CLPTM1L: variants seen among roughly 807,000 people sequenced by gnomAD.
CLPTM1L encodes CLPTM1 like.
A neutral mutation model predicts 70.9 loss-of-function variants in CLPTM1L; 38 were observed. The ratio of observed to expected loss-of-function variants is 0.54; its 90% CI spans 0.41 to 0.70. The LOEUF (loss-of-function observed/expected upper bound fraction) is 0.70. Ranked by LOEUF, CLPTM1L falls within the 30% of genes least tolerant of loss-of-function variation. The pLI, the probability that CLPTM1L is intolerant of heterozygous loss-of-function variation, is 0.00. For missense variants in CLPTM1L, 652 were observed against 705.9 expected (o/e 0.92, Z 0.87); for synonymous variants, 339 against 299.9 (o/e 1.13, Z -1.35).
chr5:1,320,460 C>T, intron 16 of CLPTM1L, 156 bp downstream of exon 16: 1 of 487,400 alleles, frequency 2.1e-6, no homozygotes, highest in Non-Finnish European at 3.7e-6. Context: ...AACTGGAACC[C>T]AAGTTTAGGC....
Position 1,342,009 on chromosome 5 carries a change from CGTGTGTGTGTGTGTGTGTGTGT to C in CLPTM1L, c.264-171_264-150del. On this transcript the variant is annotated intron_variant, in intron 2 of 16. Coordinates refer to ENST00000320895, the MANE Select transcript of CLPTM1L (RefSeq NM_030782.5). The surrounding 1 kb of genome is among the most constrained non-coding windows in gnomAD (Gnocchi z 4.3). Reference sequence around the variant, plus strand: ...CCCACCTGCCCAGGGCTTTACGAGTCGTGTGTGTGTGTGTGTGTGTGTGTGTGTGTGCACGCGCACGCGTGCG... The same window carrying C: ...CCCACCTGCCCAGGGCTTTACGAGTCGTGTGTGTGCACGCGCACGCGTGCG... 1 of 502,688 alleles carries C rather than the reference CGTGTGTGTGTGTGTGTGTGTGT, an allele frequency of 2.0e-6. No homozygotes were observed. The highest frequency in any genetic ancestry group is 3.2e-5 in the East Asian group (1 of 31,178). The allele number at this position is 502,688 out of a possible 1,614,324, so 31.1% of individuals were successfully genotyped here. A position where few individuals can be genotyped will look rare whatever the true frequency, so the allele number is the denominator to read the frequency against.
Position 1,318,263 on chromosome 5 carries a change from T to G in CLPTM1L, c.*106A>C. ...GATGTCTGAGAAATGTCCGAAGGGATTTTGGCAACACAGAAAACGCAATGT... is the reference window on the plus strand; with the variant it reads ...GATGTCTGAGAAATGTCCGAAGGGAGTTTGGCAACACAGAAAACGCAATGT... On this transcript the variant is annotated 3_prime_UTR_variant, in exon 17 of 17. Coordinates refer to ENST00000320895, the MANE Select transcript of CLPTM1L (RefSeq NM_030782.5). This position sits in a 1 kb window ranked among gnomAD's most constrained non-coding sequence, Gnocchi z 8.9. 1.5e-5 allele frequency: 13 copies of G among 883,022 alleles called. No individual in the cohort carries two copies. Among genetic ancestry groups the G allele is most frequent in the Non-Finnish European group, 2.0e-5 (11 of 549,420 alleles). 54.7% of individuals were successfully genotyped at this position (883,022 alleles called of 1,614,324 possible).
chr5:1,332,041 G>T, intron 7 of CLPTM1L, 158 bp from the exon 8 acceptor site: 1 of 644,260 alleles, frequency 1.6e-6, no homozygotes, highest in Non-Finnish European at 2.8e-6. Context: ...ATGCCTCTAC[G>T]CGCCTGGCCT....
At chr5:1,328,269 T>C (rs189504825) in intron 9 of CLPTM1L, among the ~76,000 whole-genome samples, 15 of 111,966 alleles carry the variant, frequency 1.3e-4, no homozygotes, top group African/African-American at 5.3e-4. Context: ...CTCTACAGGA[T>C]ACATTCCATC....
rs771252699 is a variant in CLPTM1L at position 1,318,884 on chromosome 5, C to T, written c.1533-431G>A. 3.3e-5 allele frequency among the ~76,000 whole-genome samples: 5 copies of T among 152,190 alleles called. No individual in the cohort carries two copies. The highest frequency in any genetic ancestry group is 7.4e-5 in the Non-Finnish European group (5 of 68,022). ...CCGCCGCCTTTGATCCTGAGCGCCC[C>T]GGAGGCCTTGCCAACATCACCCCTA... On this transcript the variant is annotated intron_variant, in intron 16 of 16. Coordinates refer to ENST00000320895, the MANE Select transcript of CLPTM1L (RefSeq NM_030782.5). This position sits in a 1 kb window ranked among gnomAD's most constrained non-coding sequence, Gnocchi z 8.9.
chr5:1,324,255 A>C lies in CLPTM1L; in HGVS notation c.1198-386T>G, dbSNP rs542138969. ...TGATTTCAGCTTTACAACGCCATGC[A>C]AGTTGGATATAAGCTGGTGAAGATT... On this transcript the variant is annotated intron_variant, in intron 11 of 16. Coordinates refer to ENST00000320895, the MANE Select transcript of CLPTM1L (RefSeq NM_030782.5). Among the ~76,000 whole-genome samples the C allele has an allele frequency of 3.7e-4, 56 of 152,392 alleles. 1 individual carries two copies. Among genetic ancestry groups the C allele is most frequent in the Non-Finnish European group, 6.2e-4 (42 of 68,036 alleles).
At chr5:1,339,127 G>A (rs1753778746) in intron 3 of CLPTM1L, 122 bp from the exon 4 acceptor site, 8 of 1,173,408 alleles carry the variant, frequency 6.8e-6, no homozygotes, top group Non-Finnish European at 7.1e-6. Context: ...GCCCGGGACA[G>A]CAGGGTCAGC....
At chr5:1,339,029 C>A in intron 3 of CLPTM1L, 24 bp from the exon 4 acceptor site, 3 of 1,606,616 alleles carry the variant, frequency 1.9e-6, no homozygotes, top group South Asian at 2.2e-5. Context: ...AAAACAGAGG[C>A]CAATGCTGGG....
In CLPTM1L at chr5:1,338,792, G is replaced by C. The variant is rs919629452; in HGVS notation, c.599+68C>G. 1.0e-5 allele frequency: 16 copies of C among 1,591,862 alleles called. No homozygotes were observed. In the South Asian group the frequency reaches 1.1e-4, roughly 11 times the overall value. On this transcript the variant is annotated intron_variant, in intron 4 of 16. Coordinates refer to ENST00000320895, the MANE Select transcript of CLPTM1L (RefSeq NM_030782.5). ...CTCCACGGTGCAGGAGTGACCTGCT[G>C]GCGAGTTCTGGCCAGCCAGGGTCCC...
chr5:1,319,358 T>TA (rs138072238), intron 16 of CLPTM1L, among the ~76,000 whole-genome samples: 1 of 132,038 alleles, frequency 7.6e-6, no homozygotes, highest in Admixed American at 7.4e-5. Context: ...AGCAACAGGG[T>TA]GGGGGGGGGC....
chr5:1,332,922 T>C (rs999072224), intron 7 of CLPTM1L, among the ~76,000 whole-genome samples: 73 of 151,668 alleles, frequency 4.8e-4, no homozygotes, highest in African/African-American at 1.1e-3. Flanking sequence ...TAACACCAGA[T>C]GAGGATAAGG....
intron 7 of CLPTM1L, among the ~76,000 whole-genome samples, chr5:1,332,794 A>G (rs1753185709): frequency 6.6e-6 from 1 of 152,232 alleles, no homozygotes; most frequent in African/African-American, 2.4e-5. Flanking sequence ...TTATAAATTG[A>G]ACTTTATCAA....
chr5:1,333,585 T>C, intron 7 of CLPTM1L, among the ~76,000 whole-genome samples: 1 of 147,904 alleles, frequency 6.8e-6, no homozygotes, highest in African/African-American at 2.6e-5. Context: ...GAGACTACTG[T>C]ATACACACGG....
chr5:1,344,742 G>C lies in CLPTM1L; in HGVS notation c.100C>G (p.Arg34Gly). 1.2e-6 allele frequency: 2 copies of C among 1,601,934 alleles called. No individual in the cohort carries two copies. Among genetic ancestry groups the C allele is most frequent in the Non-Finnish European group, 1.7e-6 (2 of 1,175,368 alleles). Residue 34 changes from arginine to glycine, a missense_variant, in exon 1 of 17, where the codon CGC (arginine) becomes GGC (glycine). By Grantham distance (125) the Arg-to-Gly change is moderately radical. Transcript: ENST00000320895. ...CWVMYGIVYT[R>G]PCSGDANCIQ... is the part of the protein sequence containing the mutation. Reference sequence around the variant, plus strand: ...CAGTTGGCGTCGCCGGAGCACGGGCGGGTGTAGACGATGCCGTACATGACC... The same window carrying C: ...CAGTTGGCGTCGCCGGAGCACGGGCCGGTGTAGACGATGCCGTACATGACC...
rs778652784 is a variant in CLPTM1L, at chr5:1,335,130, G to A, written c.723C>T (p.Tyr241=). ...GCAGCCGCCCCAGTGAGACCTTGTC[G>A]TAGGACACGGTGAGGGGCAGCTCGG... The part of the protein sequence containing the change: ...STTELPLTVS[Y]DKVSLGRLRF... Residue 241 remains tyrosine, a synonymous_variant, in exon 6 of 17, where the codon TAC becomes TAT. Coordinates refer to ENST00000320895, the MANE Select transcript of CLPTM1L (RefSeq NM_030782.5). 2.2e-5 allele frequency: 35 copies of A among 1,613,622 alleles called. No homozygotes were observed. Among genetic ancestry groups the A allele is most frequent in the Admixed American group, 2.2e-4 (13 of 60,010 alleles).
At chr5:1,330,202 T>C (rs955686896) in intron 9 of CLPTM1L, 78 bp downstream of exon 9, 1 of 1,188,230 alleles carries the variant, frequency 8.4e-7, no homozygotes, top group African/African-American at 1.5e-5. Context: ...AGGTCTCAGG[T>C]CCCGGGGCTG....
At position 1,341,768 on chromosome 5, in the gene CLPTM1L, TGCCACG is replaced by T; in HGVS notation, c.350_355del (p.Pro117_Trp118del). ...GACCAGGTGCACCTGCTTCCCGTCG[TGCCACG>T]GCAGGACCCCAGCGTGATGGAGGAA... On this transcript the variant is annotated inframe_deletion, in exon 3 of 17. Coordinates refer to ENST00000320895, the MANE Select transcript of CLPTM1L (RefSeq NM_030782.5). The T allele has an allele frequency of 6.2e-7, 1 of 1,614,074 alleles. No homozygotes were observed. Among genetic ancestry groups the T allele is most frequent in the Non-Finnish European group, 8.5e-7 (1 of 1,180,002 alleles).
intron 9 of CLPTM1L, among the ~76,000 whole-genome samples, chr5:1,327,350 C>A (rs561483803): frequency 2.5e-3 from 374 of 148,200 alleles, no homozygotes; most frequent in African/African-American, 8.9e-3. Flanking sequence ...CACATTCCAT[C>A]CAGCTCCTCC....
intron 9 of CLPTM1L, 79 bp downstream of exon 9, chr5:1,330,201 G>T: frequency 8.4e-7 from 1 of 1,186,844 alleles, no homozygotes; most frequent in Non-Finnish European, 1.2e-6. Context: ...AAGGTCTCAG[G>T]TCCCGGGGCT....
Sources: gnomAD v4.1 joint callset for allele counts (sites outside exome capture counted in the v4.1 genomes callset) on GRCh38, gnomAD v4.1.1 for gene constraint, Gnocchi (gnomAD v3.1) non-coding constraint, MANE v1.5 for transcripts, NCBI Gene and HGNC (gene_info 2026-07-23, HGNC 2026-07-21) for gene names.